TMEM117: variants seen among roughly 807,000 people sequenced by gnomAD.
The protein encoded by TMEM117 is transmembrane protein 117.
Under a neutral mutation model 52.4 loss-of-function variants are expected in TMEM117, and 27 were observed. The ratio of observed to expected loss-of-function variants is 0.51; its 90% CI spans 0.38 to 0.71. The LOEUF is 0.71. TMEM117 is among the 30% of genes least tolerant of loss of function. TMEM117 has a pLI of 0.00. For missense variants in TMEM117, 556 were observed against 630.5 expected (o/e 0.88, Z 1.26); for synonymous variants, 215 against 206.3 (o/e 1.04, Z -0.36).
At chr12:44,312,508 C>T (rs559034389) in intron 6 of TMEM117, among the ~76,000 whole-genome samples, 37 of 151,716 alleles carry the variant, frequency 2.4e-4, no homozygotes, top group Non-Finnish European at 3.4e-4. Context: ...TCCAATCCAC[C>T]GCTGTTGGGC....
chr12:44,321,238 G>A (rs1033787553), intron 6 of TMEM117, among the ~76,000 whole-genome samples: 2 of 152,160 alleles, frequency 1.3e-5, no homozygotes. Context: ...ATTTTACAAA[G>A]CACAATCATC....
At chr12:44,176,864 A>G (rs1057201440) in intron 4 of TMEM117, among the ~76,000 whole-genome samples, 3 of 152,136 alleles carry the variant, frequency 2.0e-5, no homozygotes, top group African/African-American at 2.4e-5. Flanking sequence ...TTAAAATGCT[A>G]TCCTCACAGA....
intron 3 of TMEM117, among the ~76,000 whole-genome samples, chr12:43,974,678 T>G (rs996201687): frequency 6.6e-6 from 1 of 152,170 alleles, no homozygotes; most frequent in African/African-American, 2.4e-5. Context: ...TTGTTCCAGA[T>G]GTACATTTTT....
At chr12:44,281,203 T>A (rs1344339145) in intron 5 of TMEM117, among the ~76,000 whole-genome samples, 6 of 152,226 alleles carry the variant, frequency 3.9e-5, no homozygotes, top group African/African-American at 1.4e-4. Flanking sequence ...TGACATTACA[T>A]CCTTTAAATA....
chr12:43,847,835 C>G (rs950930698), intron 2 of TMEM117, among the ~76,000 whole-genome samples: 3 of 151,926 alleles, frequency 2.0e-5, no homozygotes, highest in Non-Finnish European at 4.4e-5. Context: ...GGAACCTGCC[C>G]CCAATATTTT....
intron 2 of TMEM117, among the ~76,000 whole-genome samples, chr12:43,910,660 A>G (rs1211209072): frequency 1.3e-5 from 2 of 149,272 alleles, no homozygotes; most frequent in Non-Finnish European, 3.0e-5. Context: ...CAGGATACAA[A>G]ATCAATGTAC....
intron 4 of TMEM117, among the ~76,000 whole-genome samples, chr12:44,159,470 A>C (rs1177407389): frequency 6.6e-6 from 1 of 152,138 alleles, no homozygotes; most frequent in African/African-American, 2.4e-5. Flanking sequence ...ATGGTTAATC[A>C]AGCTGAAACA....
chr12:43,829,090 A>G, the TMEM117 span, among the ~76,000 whole-genome samples: 5 of 152,074 alleles, frequency 3.3e-5, no homozygotes, highest in African/African-American at 4.8e-5. Context: ...CCCAGCTATC[A>G]TTACTGTTTC....
chr12:44,196,492 T>A lies in TMEM117; in HGVS notation c.511-14798T>A, dbSNP rs1013867870. On this transcript the variant is annotated intron_variant, in intron 4 of 7. Transcript: ENST00000266534. ...ATATCAGAAAAGTAAAATGAAAATATCTTGGATATGTAATTACATCGGATA... is the reference window on the plus strand; with the variant it reads ...ATATCAGAAAAGTAAAATGAAAATAACTTGGATATGTAATTACATCGGATA... Among the ~76,000 whole-genome samples, 7 of 152,128 alleles carry A rather than the reference T, an allele frequency of 4.6e-5. No homozygotes were observed. The East Asian group carries it at 1.3e-3, about 29-fold the overall frequency.
intron 4 of TMEM117, among the ~76,000 whole-genome samples, chr12:44,167,179 A>G (rs1452456268): frequency 2.6e-5 from 4 of 152,192 alleles, no homozygotes; most frequent in Non-Finnish European, 5.9e-5. Flanking sequence ...GTTATATACC[A>G]TATTGAACGT....
At chr12:43,845,547 ATT>A (rs1166652385) in intron 2 of TMEM117, among the ~76,000 whole-genome samples, 1 of 150,608 alleles carries the variant, frequency 6.6e-6, no homozygotes, top group East Asian at 1.9e-4. Flanking sequence ...TATTTTTAAA[ATT>A]TTTTTTATTA....
At chr12:44,265,202 TCCAAAG>T (rs1428238619) in intron 5 of TMEM117, among the ~76,000 whole-genome samples, 1 of 151,978 alleles carries the variant, frequency 6.6e-6, no homozygotes, top group African/African-American at 2.4e-5. Flanking sequence ...GACCAACTAA[TCCAAAG>T]GCTGCACAGC....
intron 2 of TMEM117, among the ~76,000 whole-genome samples, chr12:43,938,153 G>T (rs1046043348): frequency 6.6e-6 from 1 of 151,612 alleles, no homozygotes; most frequent in African/African-American, 2.4e-5. Flanking sequence ...GAGGGCTGGG[G>T]TATGCAGGAC....
intron 5 of TMEM117, among the ~76,000 whole-genome samples, chr12:44,285,118 A>C (rs1013892975): frequency 6.6e-6 from 1 of 152,208 alleles, no homozygotes; most frequent in Non-Finnish European, 1.5e-5. Context: ...CACTGTTCAC[A>C]TACATTACAA....
rs545224266 is a variant in TMEM117, at chr12:44,237,960, A to G, written c.608+26573A>G. 2.0e-5 allele frequency among the ~76,000 whole-genome samples: 3 copies of G among 152,286 alleles called. 1 individual carries two copies. In the South Asian group the frequency reaches 6.2e-4, roughly 32 times the overall value. On this transcript the variant is annotated intron_variant, in intron 5 of 7. Transcript: ENST00000266534. The stretch of plus-strand genomic sequence containing the variant: ...TGAGAATATACTCAATAAAACAGTT[A>G]TATCTGCAGACATTTATTCAGCACT...
chr12:44,315,287 G>A (rs1045131951), intron 6 of TMEM117, among the ~76,000 whole-genome samples: 1 of 151,996 alleles, frequency 6.6e-6, no homozygotes, highest in African/African-American at 2.4e-5. Flanking sequence ...CTTTTCTTCT[G>A]CTAGCTTTGG....
At chr12:44,003,813 C>T (rs1946152266) in intron 3 of TMEM117, among the ~76,000 whole-genome samples, 1 of 152,146 alleles carries the variant, frequency 6.6e-6, no homozygotes, top group Admixed American at 6.5e-5. Context: ...CTGCCCATGT[C>T]TCCATGGACA....
chr12:44,265,788 A>G (rs1232827376), intron 5 of TMEM117, among the ~76,000 whole-genome samples: 2 of 152,104 alleles, frequency 1.3e-5, no homozygotes, highest in East Asian at 3.9e-4. Context: ...GGAAAACATC[A>G]GTCTGTGTTC....
the TMEM117 span, among the ~76,000 whole-genome samples, chr12:43,829,006 C>G: frequency 2.0e-5 from 3 of 152,106 alleles, no homozygotes; most frequent in African/African-American, 7.2e-5. Context: ...AGGTTGGTCT[C>G]GAACTTCTGA....
Sources: allele counts gnomAD v4.1 joint callset (sites outside exome capture counted in the v4.1 genomes callset), GRCh38; gene constraint gnomAD v4.1.1; transcripts MANE v1.5; gene names NCBI Gene and HGNC (gene_info 2026-07-23, HGNC 2026-07-21).